The following FCRL6 variants were observed in gnomAD, a reference collection of about 807,000 sequenced individuals.
FCRL6 encodes Fc receptor like 6.
FCRL6 carries 50 observed loss-of-function variants against 49.1 expected under a neutral mutation model. The observed-to-expected ratio is 1.02, with a 90% confidence interval of 0.81 to 1.29. FCRL6 has a LOEUF of 1.29. Ranked by LOEUF, FCRL6 falls within the 50% of genes most tolerant of loss-of-function variation. The probability of loss-of-function intolerance (pLI) is 0.00; values close to 1 mark genes in which losing one functional copy is unlikely to be tolerated. For synonymous variants in FCRL6, 213 were observed against 199.6 expected, an observed-to-expected ratio of 1.07 and a Z score of -0.57; for missense variants, 571 against 518.5, an observed-to-expected ratio of 1.10 and a Z score of -0.98.
intron 1 of FCRL6, among the ~76,000 whole-genome samples, chr1:159,805,965 G>A (rs906739806): frequency 6.6e-5 from 10 of 152,248 alleles, no homozygotes; most frequent in African/African-American, 9.6e-5. Flanking sequence ...TTCCCACCTC[G>A]TACAATGGGA....
At chr1:159,815,319 C>G in intron 8 of FCRL6, 109 bp from the exon 9 acceptor site, 1 of 1,193,962 alleles carries the variant, frequency 8.4e-7, no homozygotes, top group Non-Finnish European at 1.2e-6. Flanking sequence ...TCTCCCCTGG[C>G]TGGCTTCCCT....
chr1:159,801,277 G>A (rs12075940), upstream of FCRL6, among the ~76,000 whole-genome samples: 2,766 of 152,342 alleles, frequency 0.018, 85 homozygotes, highest in African/African-American at 0.063. Context: ...ACCCAGGAGT[G>A]AAAATGCTGA....
chr1:159,809,525 TTGA>T lies in FCRL6; in HGVS notation c.732_734del (p.Asp244del). 1 of 1,614,178 alleles carries T rather than the reference TTGA, an allele frequency of 6.2e-7. No individual in the cohort carries two copies. The highest frequency in any genetic ancestry group is 8.5e-7 in the Non-Finnish European group (1 of 1,180,014). ...CCTCCGATCCTGTATTCCTTCTACC[TTGA>T]TGAGAAGATTGTGGGGAACCACTCA... On this transcript the variant is annotated inframe_deletion, in exon 5 of 10. Coordinates refer to ENST00000368106, the MANE Select transcript of FCRL6 (RefSeq NM_001004310.3).
At chr1:159,808,010 G>C (rs1662808834) in intron 2 of FCRL6, among the ~76,000 whole-genome samples, 168 bp from the exon 3 acceptor site, 1 of 152,112 alleles carries the variant, frequency 6.6e-6, no homozygotes, top group Non-Finnish European at 1.5e-5. Flanking sequence ...AGGAAGTCCA[G>C]GTCCTGCCCT....
At chr1:159,804,152 G>A (rs982125104) in intron 1 of FCRL6, among the ~76,000 whole-genome samples, 5 of 152,292 alleles carry the variant, frequency 3.3e-5, no homozygotes, top group East Asian at 1.9e-4. Context: ...GTGTCATGGG[G>A]TCCCATACAG....
chr1:159,808,224 T>C lies in FCRL6; in HGVS notation c.99T>C (p.Asp33=), dbSNP rs562039899. 2 of 1,613,978 alleles carry C rather than the reference T, an allele frequency of 1.2e-6. No homozygotes were observed. The highest frequency in any genetic ancestry group is 2.7e-5 in the African/African-American group (2 of 75,032). The change falls in exon 3 of 10, where the codon GAT becomes GAC. Residue 33 remains aspartate (D), a synonymous_variant. Coordinates refer to ENST00000368106, the MANE Select transcript of FCRL6 (RefSeq NM_001004310.3). The stretch of plus-strand genomic sequence containing the variant: ...GGCCAAACCCTGTGTTTGAAGGAGA[T>C]GCCCTGACTCTGCGATGTCAGGGAT... ...QAWPNPVFEG[D]ALTLRCQGWK...
chr1:159,801,431 G>A (rs1396125058), upstream of FCRL6, among the ~76,000 whole-genome samples: 1 of 152,184 alleles, frequency 6.6e-6, no homozygotes, highest in Admixed American at 6.5e-5. Context: ...GGATTGCATG[G>A]GGAGGGTCAC....
chr1:159,804,009 A>G (rs1285639229), intron 1 of FCRL6, among the ~76,000 whole-genome samples: 3 of 152,102 alleles, frequency 2.0e-5, no homozygotes, highest in African/African-American at 7.2e-5. Context: ...GCATGTGGGG[A>G]CCTGGCTGAA....
intron 2 of FCRL6, 89 bp from the exon 3 acceptor site, chr1:159,808,089 A>G: frequency 7.0e-7 from 1 of 1,437,368 alleles, no homozygotes; most frequent in Non-Finnish European, 9.5e-7. Context: ...CTCCATCCCC[A>G]GCAGGAGGCC....
At chr1:159,808,860 C>T (rs1028205935) in intron 3 of FCRL6, 101 bp from the exon 4 acceptor site, 1 of 1,296,372 alleles carries the variant, frequency 7.7e-7, no homozygotes, top group Admixed American at 2.5e-5. Context: ...CATCGGGGTC[C>T]CCGGGCTGCA....
At chr1:159,802,981 C>T (rs1325591810) in intron 1 of FCRL6, among the ~76,000 whole-genome samples, 1 of 152,214 alleles carries the variant, frequency 6.6e-6, no homozygotes, top group African/African-American at 2.4e-5. Flanking sequence ...CCAGACCTCT[C>T]ACCTGGTTGA....
chr1:159,809,515 T>C lies in FCRL6; in HGVS notation c.718T>C (p.Ser240Pro), dbSNP rs1428412913. ...GAGGGGCTCCCCTCCGATCCTGTATTCCTTCTACCTTGATGAGAAGATTGT... is the reference window on the plus strand; with the variant it reads ...GAGGGGCTCCCCTCCGATCCTGTATCCCTTCTACCTTGATGAGAAGATTGT... ...AQRGSPPILY[S>P]FYLDEKIVGN... The change falls in exon 5 of 10, where the codon TCC becomes CCC. Residue 240 changes from serine to proline, a missense_variant. Transcript: ENST00000368106. The C allele has an allele frequency of 6.2e-7, 1 of 1,614,172 alleles. No individual in the cohort carries two copies.
rs148840420 is a variant in FCRL6, at chr1:159,809,194, G to A, written c.553G>A (p.Glu185Lys). The change falls in exon 4 of 10, where the codon GAG becomes AAG. Residue 185 changes from glutamate (E) to lysine (K), a missense_variant. Physicochemically the swap from Glu to Lys is moderately conservative, Grantham distance 56. Coordinates refer to ENST00000368106, the MANE Select transcript of FCRL6 (RefSeq NM_001004310.3). Reference sequence around the variant, plus strand: ...GCTTTACTGGTGTGAGGTGGCCCCTGAGGGTGGCCAGGTCCAGAAGCAGAG... The same window carrying A: ...GCTTTACTGGTGTGAGGTGGCCCCTAAGGGTGGCCAGGTCCAGAAGCAGAG... The part of the protein sequence containing the change: ...SGLYWCEVAP[E>K]GGQVQKQSPQ... The A allele has an allele frequency of 6.3e-6, 10 of 1,599,816 alleles. No individual in the cohort carries two copies. The African/African-American group carries it at 8.1e-5, about 13-fold the overall frequency.
intron 6 of FCRL6, among the ~76,000 whole-genome samples, chr1:159,812,914 T>G (rs1663170563): frequency 6.6e-6 from 1 of 152,186 alleles, no homozygotes; most frequent in Non-Finnish European, 1.5e-5. Flanking sequence ...CATGCAAACC[T>G]GGATTAAGAT....
At chr1:159,800,753 A>G, upstream of FCRL6, 1 of 705,418 alleles carries the variant, frequency 1.4e-6, no homozygotes, top group South Asian at 1.7e-5. Context: ...ATCTAGGGCA[A>G]GAAAACTTAG....
rs1662878393 is a variant in FCRL6 at position 159,808,723 on chromosome 1, T to C, written c.320-238T>C. 8.2e-6 allele frequency: 5 copies of C among 606,168 alleles called. No homozygotes were observed. In the South Asian group the frequency reaches 8.3e-5, roughly 10 times the overall value. The allele number at this position is 606,168 out of a possible 1,614,324, so 37.5% of individuals were successfully genotyped here. ...AGGCTCACCCTTCCCCTCTATGGAC[T>C]AGAGGACTTCGAAGGCCCCCTCTGC... On this transcript the variant is annotated intron_variant, in intron 3 of 9. Coordinates refer to ENST00000368106, the MANE Select transcript of FCRL6 (RefSeq NM_001004310.3).
chr1:159,803,052 A>G (rs566024844), intron 1 of FCRL6, among the ~76,000 whole-genome samples: 1 of 152,180 alleles, frequency 6.6e-6, no homozygotes, highest in Non-Finnish European at 1.5e-5. Flanking sequence ...TTCCGCCTAC[A>G]TCTTCTCTCT....
At chr1:159,806,370 A>T (rs1571093278) in intron 1 of FCRL6, among the ~76,000 whole-genome samples, 1 of 150,814 alleles carries the variant, frequency 6.6e-6, no homozygotes, top group African/African-American at 2.4e-5. Flanking sequence ...GGGTGGTTGG[A>T]TGGTTGGATG....
At chr1:159,808,072 C>A in intron 2 of FCRL6, 106 bp from the exon 3 acceptor site, 1 of 1,310,526 alleles carries the variant, frequency 7.6e-7, no homozygotes, top group Non-Finnish European at 1.1e-6. Context: ...CAGTGCCATC[C>A]AAGGGCCTCC....
Sources: gnomAD v4.1 joint callset for allele counts (sites outside exome capture counted in the v4.1 genomes callset) on GRCh38, gnomAD v4.1.1 for gene constraint, MANE v1.5 for transcripts, NCBI Gene and HGNC (gene_info 2026-07-23, HGNC 2026-07-21) for gene names.